Variants in TJP1 observed in about 807,000 individuals in gnomAD.
TJP1 encodes tight junction protein 1.
In TJP1, 43 loss-of-function variants were observed where a neutral mutation model predicts 194.2. That is an observed-to-expected ratio of 0.22 (90% CI 0.17 to 0.29). The LOEUF is 0.29. Ranked by LOEUF, TJP1 falls within the 10% of genes least tolerant of loss-of-function variation. The pLI is 1.00. For missense variants in TJP1, 1,971 were observed against 2,185.7 expected (o/e 0.90, Z 1.96); for synonymous variants, 801 against 779.0 (o/e 1.03, Z -0.47).
intron 1 of TJP1, among the ~76,000 whole-genome samples, chr15:29,815,285 T>G (rs2049834813): frequency 6.6e-6 from 1 of 152,212 alleles, no homozygotes; most frequent in African/African-American, 2.4e-5. Flanking sequence ...ACACCAATTT[T>G]ATAGGATTAA....
chr15:29,885,614 T>C (rs1053272663), intron 2 of TJP1, among the ~76,000 whole-genome samples: 1 of 152,246 alleles, frequency 6.6e-6, no homozygotes, highest in Non-Finnish European at 1.5e-5. Flanking sequence ...TTTTCTTTGC[T>C]TCCTTGGATC....
intron 1 of TJP1, among the ~76,000 whole-genome samples, chr15:29,960,440 T>G (rs2056111214): frequency 6.6e-6 from 1 of 151,660 alleles, no homozygotes. Context: ...TGAGACCAGC[T>G]TGGGCAACAT....
At chr15:29,704,513 A>C (rs2150985107) in intron 26 of TJP1, among the ~76,000 whole-genome samples, 1 of 152,330 alleles carries the variant, frequency 6.6e-6, no homozygotes, top group South Asian at 2.1e-4. Flanking sequence ...AAAAGAAACA[A>C]GTGATATCAA....
chr15:29,949,430 ACCACCT>A (rs1442599772), intron 2 of TJP1, among the ~76,000 whole-genome samples: 28 of 142,228 alleles, frequency 2.0e-4, no homozygotes, highest in Admixed American at 4.3e-4. Flanking sequence ...CTCCACAACC[ACCACCT>A]CCACCTCCAC....
chr15:29,863,306 TAAATA>T (rs2052167639), intron 2 of TJP1, among the ~76,000 whole-genome samples: 1 of 151,588 alleles, frequency 6.6e-6, no homozygotes, highest in Non-Finnish European at 1.5e-5. Context: ...AAAAAATAAA[TAAATA>T]AATAAATCTG....
At chr15:29,894,673 G>A (rs762406113) in intron 2 of TJP1, among the ~76,000 whole-genome samples, 1 of 152,170 alleles carries the variant, frequency 6.6e-6, no homozygotes, top group Non-Finnish European at 1.5e-5. Flanking sequence ...GCACACCAGT[G>A]GCTCTACTGG....
Position 29,778,071 on chromosome 15 carries a change from A to C in TJP1, c.85-4714T>G, listed in dbSNP as rs1279694729. Among the ~76,000 whole-genome samples, 3 of 152,326 alleles carry C rather than the reference A, an allele frequency of 2.0e-5. No individual in the cohort carries two copies. In the East Asian group the frequency reaches 5.8e-4, roughly 29 times the overall value. The stretch of plus-strand genomic sequence containing the variant: ...AAACCAAAAACATTAGGAACTTTCA[A>C]TAAGCAAGGCAGGGATGCGAGCATA... On this transcript the variant is annotated intron_variant, in intron 2 of 27. Coordinates refer to ENST00000614355, the MANE Select transcript of TJP1 (RefSeq NM_001330239.4).
At chr15:29,755,236 A>G (rs1439529971) in intron 8 of TJP1, among the ~76,000 whole-genome samples, 1 of 152,162 alleles carries the variant, frequency 6.6e-6, no homozygotes, top group African/African-American at 2.4e-5. Flanking sequence ...GGCAGGCTCT[A>G]CCACCTAGGT....
At chr15:29,821,785 T>C (rs1039552244) in intron 1 of TJP1, among the ~76,000 whole-genome samples, 1 of 148,046 alleles carries the variant, frequency 6.8e-6, no homozygotes, top group Non-Finnish European at 1.5e-5. Flanking sequence ...CGCAGCCCCC[T>C]CCCCGGCCGC....
At chr15:29,785,665 C>G (rs1034175110) in intron 2 of TJP1, among the ~76,000 whole-genome samples, 6 of 152,078 alleles carry the variant, frequency 3.9e-5, no homozygotes, top group African/African-American at 1.2e-4. Context: ...GTACAATCCG[C>G]TAATTATAAC....
chr15:29,746,495 A>G (rs72719058), intron 8 of TJP1, among the ~76,000 whole-genome samples: 12,477 of 152,244 alleles, frequency 0.082, 546 homozygotes, highest in African/African-American at 0.092. Context: ...TCTAAAATAT[A>G]AACAGACATG....
intron 1 of TJP1, among the ~76,000 whole-genome samples, chr15:29,819,450 C>G (rs914170293): frequency 5.3e-4 from 81 of 152,128 alleles, no homozygotes; most frequent in African/African-American, 1.8e-3. Flanking sequence ...AAATTGAGCA[C>G]TTAGAACAAT....
intron 8 of TJP1, among the ~76,000 whole-genome samples, chr15:29,751,272 T>G (rs946508675): frequency 1.3e-5 from 2 of 152,238 alleles, no homozygotes; most frequent in African/African-American, 4.8e-5. Context: ...CTTTGTCATT[T>G]TGTAAGCTAA....
chr15:29,817,804 G>A (rs922670461), intron 1 of TJP1, among the ~76,000 whole-genome samples: 1 of 152,268 alleles, frequency 6.6e-6, no homozygotes, highest in East Asian at 1.9e-4. Flanking sequence ...TGGACACAGG[G>A]AGGGGAACAT....
At chr15:29,949,612 C>CCACA (rs2055528515) in intron 2 of TJP1, among the ~76,000 whole-genome samples, 5 of 67,716 alleles carry the variant, frequency 7.4e-5, no homozygotes, top group African/African-American at 2.3e-4. Flanking sequence ...CCTCCACCTT[C>CCACA]ACCACCACCA....
Position 29,782,365 on chromosome 15 carries a change from C to T in TJP1, c.85-9008G>A, listed in dbSNP as rs567371844. ...AAGACAGACACACAGACCAACGGAA[C>T]GTAACAGGGAGCCCAGAAATAAGGC... On this transcript the variant is annotated intron_variant, in intron 2 of 27. Transcript: ENST00000614355. Among the ~76,000 whole-genome samples, 24 of 152,208 alleles carry T rather than the reference C, an allele frequency of 1.6e-4. No individual in the cohort carries two copies. In the East Asian group the frequency reaches 1.7e-3, roughly 11 times the overall value.
chr15:29,878,183 G>T (rs1318862464), intron 2 of TJP1, among the ~76,000 whole-genome samples: 1 of 151,984 alleles, frequency 6.6e-6, no homozygotes, highest in African/African-American at 2.4e-5. Context: ...CCAAGTAGCT[G>T]GGACTACAGG....
chr15:29,946,673 C>T (rs2055294426), intron 2 of TJP1, among the ~76,000 whole-genome samples: 1 of 152,214 alleles, frequency 6.6e-6, no homozygotes, highest in African/African-American at 2.4e-5. Context: ...ATTTTCAGTG[C>T]CCCTTTCATG....
At chr15:29,734,415 C>T (rs1430750736) in intron 11 of TJP1, 33 bp from the exon 12 acceptor site, 1 of 1,499,482 alleles carries the variant, frequency 6.7e-7, no homozygotes, top group Non-Finnish European at 9.2e-7. Flanking sequence ...TCATTCTTGG[C>T]TGTTTAAGAA....
Sources: gnomAD v4.1 joint callset for allele counts (sites outside exome capture counted in the v4.1 genomes callset) on GRCh38, gnomAD v4.1.1 for gene constraint, MANE v1.5 for transcripts, NCBI Gene and HGNC (gene_info 2026-07-23, HGNC 2026-07-21) for gene names.